FNBP4: variants seen among roughly 807,000 people sequenced by gnomAD.
The protein encoded by FNBP4 is formin binding protein 4.
FNBP4 carries 34 observed loss-of-function variants against 119.3 expected under a neutral mutation model. The ratio of observed to expected loss-of-function variants is 0.28; its 90% CI spans 0.22 to 0.38. The LOEUF (loss-of-function observed/expected upper bound fraction) is 0.38, where lower values mean the gene tolerates loss of function less well. FNBP4 is among the 10% of genes least tolerant of loss of function. The probability of loss-of-function intolerance (pLI) is 1.00; values close to 1 mark genes in which losing one functional copy is unlikely to be tolerated. For missense variants in FNBP4, 1,112 were observed against 1,228.9 expected (o/e 0.90, Z 1.42); for synonymous variants, 462 against 430.6 (o/e 1.07, Z -0.90).
At chr11:47,721,275 A>AAAAT (rs949244907) in intron 15 of FNBP4, among the ~76,000 whole-genome samples, 1 of 151,312 alleles carries the variant, frequency 6.6e-6, no homozygotes, top group African/African-American at 2.4e-5. Context: ...TAAATAAATA[A>AAAAT]AAATAAATAA....
In FNBP4 at chr11:47,757,542, G is replaced by C. The variant is rs1394845473; in HGVS notation, c.314-2878C>G. Among the ~76,000 whole-genome samples the C allele has an allele frequency of 6.7e-5, 10 of 150,060 alleles. No individual in the cohort carries two copies. The Admixed American group carries it at 6.7e-4, about 10-fold the overall frequency. ...GGAGTCTTGCTCTGTTGCCCAGGCT[G>C]AAGTGCAGTGGCGCAATCTTGGCTC... On this transcript the variant is annotated intron_variant, in intron 2 of 16. Transcript: ENST00000263773.
intron 2 of FNBP4, among the ~76,000 whole-genome samples, chr11:47,757,014 A>G (rs936047181): frequency 2.0e-5 from 3 of 152,160 alleles, no homozygotes; most frequent in Non-Finnish European, 4.4e-5. Flanking sequence ...TAACGTGTGC[A>G]TGTGTCTTTA....
chr11:47,725,923 G>C lies in FNBP4; in HGVS notation c.2009-1145C>G, dbSNP rs1436163193. 5 of 330,130 alleles carry C rather than the reference G, an allele frequency of 1.5e-5. No homozygotes were observed. The Admixed American group carries it at 2.6e-4, about 17-fold the overall frequency. 20.5% of individuals were successfully genotyped at this position (330,130 alleles called of 1,614,324 possible). On this transcript the variant is annotated intron_variant, in intron 12 of 16. Transcript: ENST00000263773. Reference sequence around the variant, plus strand: ...GTTAAAGGTAATGAAACCCAGGCAGGAACTAACTTGCCCAAGATCATATCA... The same window carrying C: ...GTTAAAGGTAATGAAACCCAGGCAGCAACTAACTTGCCCAAGATCATATCA...
chr11:47,732,709 A>G lies in FNBP4; in HGVS notation c.1687-39T>C, dbSNP rs200571629. On this transcript the variant is annotated intron_variant, in intron 10 of 16. Transcript: ENST00000263773. The surrounding 1 kb of genome is among the most constrained non-coding windows in gnomAD (Gnocchi z 4.2). ...ACAAATAAGTTAAAGACTTATTATT[A>G]CATGTCAGGAGACACAGGCAAAGGG... The G allele has an allele frequency of 9.4e-6, 15 of 1,590,702 alleles. No homozygotes were observed. In the East Asian group the frequency reaches 3.4e-4, roughly 36 times the overall value.
rs2097568422 is a variant in FNBP4 at position 47,732,354 on chromosome 11, G to C, written c.1820+183C>G. 1.3e-6 allele frequency: 2 copies of C among 1,497,296 alleles called. No individual in the cohort carries two copies. The highest frequency in any genetic ancestry group is 1.8e-6 in the Non-Finnish European group (2 of 1,127,996). 92.8% of individuals were successfully genotyped at this position (1,497,296 alleles called of 1,614,324 possible). On this transcript the variant is annotated intron_variant, in intron 11 of 16. Coordinates refer to ENST00000263773, the MANE Select transcript of FNBP4 (RefSeq NM_015308.5). This position sits in a 1 kb window ranked among gnomAD's most constrained non-coding sequence, Gnocchi z 4.2. Reference sequence around the variant, plus strand: ...CGTTACATGGAACACTTTAAACATTGCTTTTGTTTCTCCAATGTGTGGCTG... The same window carrying C: ...CGTTACATGGAACACTTTAAACATTCCTTTTGTTTCTCCAATGTGTGGCTG...
At position 47,724,094 on chromosome 11, in the gene FNBP4, C is replaced by T; in HGVS notation, c.2398G>A (p.Val800Met). ...CCAATGGTAGCTGACCTCTGAACCA[C>T]TGCAGTGCTAATTTCTGTAGCTTTC... The part of the protein sequence containing the change: ...KRKATEISTA[V>M]VQRSATIGSS... The change falls in exon 14 of 17, where the codon GTG becomes ATG. Residue 800 changes from valine (V) to methionine (M), a missense_variant. Around this residue, in one of 2 missense-constraint regions of FNBP4, gnomAD observed 826 missense variants for 988.8 expected, o/e 0.84. Coordinates refer to ENST00000263773, the MANE Select transcript of FNBP4 (RefSeq NM_015308.5). The T allele has an allele frequency of 6.2e-7, 1 of 1,614,208 alleles. No individual in the cohort carries two copies. The highest frequency in any genetic ancestry group is 1.1e-5 in the South Asian group (1 of 91,092).
chr11:47,727,890 C>CT (rs1377825552), intron 12 of FNBP4, among the ~76,000 whole-genome samples: 1 of 152,064 alleles, frequency 6.6e-6, no homozygotes, highest in Non-Finnish European at 1.5e-5. Flanking sequence ...ATATACAGCT[C>CT]TTTTTTTAGA....
intron 3 of FNBP4, among the ~76,000 whole-genome samples, chr11:47,753,567 C>T (rs1263124643): frequency 1.3e-5 from 2 of 151,854 alleles, no homozygotes; most frequent in African/African-American, 2.4e-5. Context: ...GCCGAGATCA[C>T]GCTACTGCAT....
intron 9 of FNBP4, among the ~76,000 whole-genome samples, chr11:47,735,180 G>A (rs1377448679): frequency 1.3e-5 from 2 of 152,098 alleles, no homozygotes; most frequent in Non-Finnish European, 2.9e-5. Context: ...AACAAATTAT[G>A]ACATAGTACA....
At chr11:47,734,451 A>G (rs2097571239) in intron 9 of FNBP4, among the ~76,000 whole-genome samples, 1 of 152,108 alleles carries the variant, frequency 6.6e-6, no homozygotes, top group Admixed American at 6.5e-5. Flanking sequence ...TCCTGGTCTC[A>G]AGTCAGCCTC....
At chr11:47,765,394 G>GAAAAGAAAAT in intron 1 of FNBP4, 32 bp from the exon 2 acceptor site, 2 of 1,339,440 alleles carry the variant, frequency 1.5e-6, no homozygotes, top group Non-Finnish European at 2.1e-6. Flanking sequence ...GAAAAGAAAA[G>GAAAAGAAAAT]AAAAGAAAAG....
At chr11:47,739,913 G>T (rs917053454) in intron 8 of FNBP4, among the ~76,000 whole-genome samples, 4 of 151,876 alleles carry the variant, frequency 2.6e-5, no homozygotes, top group African/African-American at 9.7e-5. Context: ...CGAGTAGCTG[G>T]GATTACAGGC....
intron 12 of FNBP4, chr11:47,730,110 AC>A: frequency 3.0e-6 from 3 of 985,462 alleles, no homozygotes; most frequent in Non-Finnish European, 3.6e-6. Flanking sequence ...CAACTTTGGA[AC>A]ATATAAGGGA....
intron 10 of FNBP4, among the ~76,000 whole-genome samples, chr11:47,733,439 G>A (rs1278197967): frequency 1.3e-5 from 2 of 151,926 alleles, no homozygotes; most frequent in East Asian, 3.9e-4. Flanking sequence ...GGGTTCAAGC[G>A]ATTCTCCTGC....
At chr11:47,757,737 G>A (rs537806002) in intron 2 of FNBP4, among the ~76,000 whole-genome samples, 35 of 152,018 alleles carry the variant, frequency 2.3e-4, no homozygotes, top group African/African-American at 8.2e-4. Context: ...CAAGTGATCT[G>A]CCCACCTCGG....
Position 47,723,139 on chromosome 11 carries a change from A to G in FNBP4, c.2642T>C (p.Ile881Thr), listed in dbSNP as rs751453260. 6.8e-6 allele frequency: 11 copies of G among 1,613,936 alleles called. No homozygotes were observed. Among genetic ancestry groups the G allele is most frequent in the Middle Eastern group, 1.6e-4 (1 of 6,084 alleles). The change falls in exon 15 of 17, where the codon ATT (isoleucine) becomes ACT (threonine). Residue 881 changes from isoleucine (I) to threonine (T), a missense_variant. This residue lies in a region of FNBP4 where 826 missense variants were observed against 988.8 expected (regional missense o/e 0.84). Coordinates refer to ENST00000263773, the MANE Select transcript of FNBP4 (RefSeq NM_015308.5). ...CTGCAATGAGGGAGCAGTCACTCCAATTGGGACAGAACATTCTGCATAACT... is the reference window on the plus strand; with the variant it reads ...CTGCAATGAGGGAGCAGTCACTCCAGTTGGGACAGAACATTCTGCATAACT... ...IMSYAECSVP[I>T]GVTAPSLQPV... is the part of the protein sequence containing the mutation.
chr11:47,736,831 T>C (rs911209903), intron 8 of FNBP4, 91 bp from the exon 9 acceptor site: 1 of 1,130,818 alleles, frequency 8.8e-7, no homozygotes, highest in Non-Finnish European at 1.3e-6. Context: ...CTGCAAAAGA[T>C]TATTAGTTCT....
chr11:47,763,696 T>G (rs1394043971), intron 2 of FNBP4, among the ~76,000 whole-genome samples: 1 of 152,078 alleles, frequency 6.6e-6, no homozygotes, highest in African/African-American at 2.4e-5. Context: ...GAGATGGGGT[T>G]TCACCGTGTT....
intron 9 of FNBP4, among the ~76,000 whole-genome samples, chr11:47,735,167 T>C (rs562646187): frequency 6.6e-6 from 1 of 152,266 alleles, no homozygotes; most frequent in South Asian, 2.1e-4. Flanking sequence ...AATATATACA[T>C]ATAACAAATT....
Sources: allele counts gnomAD v4.1 joint callset (sites outside exome capture counted in the v4.1 genomes callset), GRCh38; gene constraint gnomAD v4.1.1; regional missense constraint gnomAD v4.1.1; non-coding constraint Gnocchi (gnomAD v3.1); transcripts MANE v1.5; gene names NCBI Gene and HGNC (gene_info 2026-07-23, HGNC 2026-07-21).